Variants in FRMD3 observed in about 807,000 individuals in gnomAD.
The protein encoded by FRMD3 is FERM domain containing 3, also known as FERM domain-containing protein 3.
FRMD3 carries 33 observed loss-of-function variants against 70.2 expected under a neutral mutation model. The observed-to-expected ratio is 0.47, with a 90% CI of 0.36 to 0.63. The LOEUF (loss-of-function observed/expected upper bound fraction) is 0.63. FRMD3 is among the 20% of genes least tolerant of loss of function. FRMD3 has a pLI of 0.00. For synonymous variants in FRMD3, 279 were observed against 255.9 expected (o/e 1.09, Z -0.86); for missense variants, 632 against 711.4 (o/e 0.89, Z 1.27).
At chr9:83,524,047 G>C (rs1347156951) in intron 1 of FRMD3, among the ~76,000 whole-genome samples, 1 of 152,318 alleles carries the variant, frequency 6.6e-6, no homozygotes, top group African/African-American at 2.4e-5. Context: ...AAAACAGAGA[G>C]AGCCTGACAT....
chr9:83,395,599 T>C (rs1179536558), intron 1 of FRMD3, among the ~76,000 whole-genome samples: 1 of 152,200 alleles, frequency 6.6e-6, no homozygotes, highest in Non-Finnish European at 1.5e-5. Context: ...TTTCTGTTCC[T>C]GCTTTAGTTT....
the FRMD3 span, among the ~76,000 whole-genome samples, chr9:83,577,514 A>G: frequency 6.6e-6 from 1 of 152,044 alleles, no homozygotes; most frequent in Non-Finnish European, 1.5e-5. Context: ...CTACACAAAA[A>G]TAAAGTTGGA....
At chr9:83,466,269 T>C (rs1176063234) in intron 1 of FRMD3, among the ~76,000 whole-genome samples, 2 of 152,230 alleles carry the variant, frequency 1.3e-5, no homozygotes, top group East Asian at 3.8e-4. Context: ...GTTAGGTTTT[T>C]CTGCATTTTA....
chr9:83,248,149 C>T lies in FRMD3; in HGVS notation c.1563G>A (p.Val521=), dbSNP rs1174219680. ...SYDILTGHIR[V]NPLVKSFSRL... Reference sequence around the variant, plus strand: ...TGGAAAAACTCTTGACCAGTGGGTTCACCCGAATATGGCCAGTCAGAATGT... The same window carrying T: ...TGGAAAAACTCTTGACCAGTGGGTTTACCCGAATATGGCCAGTCAGAATGT... Residue 521 remains valine, a synonymous_variant, in exon 14 of 14, where the codon GTG becomes GTA. Coordinates refer to ENST00000304195, the MANE Select transcript of FRMD3 (RefSeq NM_174938.6). 1 of 1,614,162 alleles carries T rather than the reference C, an allele frequency of 6.2e-7. No homozygotes were observed. The highest frequency in any genetic ancestry group is 8.5e-7 in the Non-Finnish European group (1 of 1,180,032).
At chr9:83,285,019 G>A (rs1327702862) in intron 13 of FRMD3, among the ~76,000 whole-genome samples, 1 of 152,318 alleles carries the variant, frequency 6.6e-6, no homozygotes, top group East Asian at 1.9e-4. Flanking sequence ...GGGACCAAGA[G>A]TATGGCATGC....
intron 1 of FRMD3, among the ~76,000 whole-genome samples, chr9:83,451,155 A>G (rs1827642738): frequency 6.6e-6 from 1 of 152,198 alleles, no homozygotes. Context: ...TAAACACTGA[A>G]GGGAAATATG....
chr9:83,499,570 CA>C (rs942650849), intron 1 of FRMD3, among the ~76,000 whole-genome samples: 1 of 152,088 alleles, frequency 6.6e-6, no homozygotes, highest in Non-Finnish European at 1.5e-5. Context: ...TCCTACAGTA[CA>C]AAAAAATTCA....
At chr9:83,319,503 C>A (rs1455601951) in intron 6 of FRMD3, among the ~76,000 whole-genome samples, 1 of 152,176 alleles carries the variant, frequency 6.6e-6, no homozygotes, top group Admixed American at 6.5e-5. Flanking sequence ...CTCACTGCAA[C>A]CTCTGCCTCC....
the FRMD3 span, among the ~76,000 whole-genome samples, chr9:83,583,203 G>T: frequency 4.6e-5 from 7 of 152,102 alleles, no homozygotes; most frequent in Admixed American, 3.3e-4. Context: ...ACAAAAATTT[G>T]TCCTGGTAAA....
chr9:83,357,437 A>C (rs921502397), intron 3 of FRMD3, among the ~76,000 whole-genome samples: 7 of 151,190 alleles, frequency 4.6e-5, no homozygotes, highest in African/African-American at 1.7e-4. Context: ...TGGGTACTGG[A>C]TACCCAGTAG....
intron 1 of FRMD3, among the ~76,000 whole-genome samples, chr9:83,446,660 A>G (rs1209633709): frequency 2.0e-5 from 3 of 151,604 alleles, no homozygotes; most frequent in African/African-American, 7.3e-5. Flanking sequence ...AAAAAAAAAA[A>G]AAAAAAAGGA....
At chr9:83,548,321 C>A in the FRMD3 span, among the ~76,000 whole-genome samples, 1 of 152,118 alleles carries the variant, frequency 6.6e-6, no homozygotes, top group Admixed American at 6.6e-5. Context: ...TAGAAGCAAC[C>A]AATATGTCCT....
chr9:83,522,880 T>C (rs1564115816), intron 1 of FRMD3, among the ~76,000 whole-genome samples: 1 of 152,214 alleles, frequency 6.6e-6, no homozygotes, highest in East Asian at 1.9e-4. Flanking sequence ...TTTTTTAAAG[T>C]AGTAACATTG....
At chr9:83,539,299 G>T (rs1281364430), upstream of FRMD3, among the ~76,000 whole-genome samples, 3 of 152,204 alleles carry the variant, frequency 2.0e-5, no homozygotes, top group Non-Finnish European at 2.9e-5. Context: ...CTGCCTCTCT[G>T]TTGTCCCCAA....
chr9:83,495,892 A>T (rs753284352), intron 1 of FRMD3, among the ~76,000 whole-genome samples: 1 of 152,246 alleles, frequency 6.6e-6, no homozygotes, highest in Non-Finnish European at 1.5e-5. Context: ...ATCAAGTCTG[A>T]GTATTTATTA....
At chr9:83,365,681 T>A (rs549011244) in intron 3 of FRMD3, among the ~76,000 whole-genome samples, 3 of 152,130 alleles carry the variant, frequency 2.0e-5, no homozygotes, top group African/African-American at 4.8e-5. Flanking sequence ...GGGGGCAAGA[T>A]AAAAGGAACC....
intron 2 of FRMD3, among the ~76,000 whole-genome samples, chr9:83,380,847 C>T (rs1362475773): frequency 6.6e-6 from 1 of 152,132 alleles, no homozygotes; most frequent in Non-Finnish European, 1.5e-5. Context: ...ACCCAGGGGG[C>T]TTTTAAAAAG....
intron 1 of FRMD3, among the ~76,000 whole-genome samples, chr9:83,498,311 T>A (rs1828987673): frequency 1.3e-5 from 2 of 152,214 alleles, no homozygotes; most frequent in Non-Finnish European, 2.9e-5. Flanking sequence ...GCCCAGATAA[T>A]ATCCACTCAT....
chr9:83,581,847 T>C, the FRMD3 span, among the ~76,000 whole-genome samples: 1 of 152,208 alleles, frequency 6.6e-6, no homozygotes, highest in African/African-American at 2.4e-5. Context: ...ACATAGTGTA[T>C]GAATTCTTTT....
Sources: allele counts gnomAD v4.1 joint callset (sites outside exome capture counted in the v4.1 genomes callset), GRCh38; gene constraint gnomAD v4.1.1; transcripts MANE v1.5; gene names NCBI Gene and HGNC (gene_info 2026-07-23, HGNC 2026-07-21).